MAPKAPK2: variants seen among roughly 807,000 people sequenced by gnomAD.
The protein encoded by MAPKAPK2 is MAP kinase-activated protein kinase 2.
A neutral mutation model predicts 48.8 loss-of-function variants in MAPKAPK2; 9 were observed. The observed-to-expected ratio is 0.18, with a 90% CI of 0.11 to 0.32. The LOEUF is 0.32. MAPKAPK2 is among the 10% of genes least tolerant of loss of function. MAPKAPK2 has a pLI of 1.00. For missense variants in MAPKAPK2, 331 were observed against 498.3 expected (o/e 0.66, Z 3.20); for synonymous variants, 202 against 190.6 (o/e 1.06, Z -0.49).
Position 206,731,361 on chromosome 1 carries a change from G to A in MAPKAPK2, c.892+99G>A. ...ACACATGTATGGGCCTCCATCTCAT[G>A]TGCGTGGTGTAACTGTGGGTTAGCA... On this transcript the variant is annotated intron_variant, in intron 7 of 9. Coordinates refer to ENST00000367103, the MANE Select transcript of MAPKAPK2 (RefSeq NM_032960.4). This position sits in a 1 kb window ranked among gnomAD's most constrained non-coding sequence, Gnocchi z 5.9. 2 of 1,563,054 alleles carry A rather than the reference G, an allele frequency of 1.3e-6. No homozygotes were observed. The highest frequency in any genetic ancestry group is 8.7e-7 in the Non-Finnish European group (1 of 1,152,822).
rs536360675 is a variant in MAPKAPK2, at chr1:206,730,247, T to C, written c.691+149T>C. The C allele has an allele frequency of 1.9e-4, 179 of 956,802 alleles. 1 individual carries two copies. The South Asian group carries it at 2.8e-3, about 15-fold the overall frequency. The allele number at this position is 956,802 out of a possible 1,614,324, so 59.3% of individuals were successfully genotyped here. Reference sequence around the variant, plus strand: ...GGTTCTGCTGGGACCTGCTGAGAAGTAGGGCTTGTCAGAGCGAAGCTACAG... The same window carrying C: ...GGTTCTGCTGGGACCTGCTGAGAAGCAGGGCTTGTCAGAGCGAAGCTACAG... On this transcript the variant is annotated intron_variant, in intron 5 of 9. Coordinates refer to ENST00000367103, the MANE Select transcript of MAPKAPK2 (RefSeq NM_032960.4).
At position 206,731,116 on chromosome 1, in the gene MAPKAPK2, T is replaced by G; in HGVS notation, c.768-22T>G. The G allele has an allele frequency of 6.2e-7, 1 of 1,614,222 alleles. No individual in the cohort carries two copies. Among genetic ancestry groups the G allele is most frequent in the Non-Finnish European group, 8.5e-7 (1 of 1,180,010 alleles). ...AAGTGACAGCTGTTCTGTCTCCCAC[T>G]TCCTTCCTCCTGTTGATGCAGGCTG... On this transcript the variant is annotated intron_variant, in intron 6 of 9. Coordinates refer to ENST00000367103, the MANE Select transcript of MAPKAPK2 (RefSeq NM_032960.4). This position sits in a 1 kb window ranked among gnomAD's most constrained non-coding sequence, Gnocchi z 5.9.
intron 1 of MAPKAPK2, among the ~76,000 whole-genome samples, chr1:206,720,828 G>C (rs1478010145): frequency 1.3e-5 from 2 of 152,152 alleles, no homozygotes; most frequent in African/African-American, 4.8e-5. Context: ...AAATAGGATA[G>C]TATTCTAGAC....
intron 1 of MAPKAPK2, among the ~76,000 whole-genome samples, chr1:206,700,762 A>G (rs564328044): frequency 2.0e-5 from 3 of 152,256 alleles, no homozygotes; most frequent in African/African-American, 7.2e-5. Context: ...TTGGACTTCT[A>G]TACCCTAGTA....
Position 206,722,377 on chromosome 1 carries a change from C to CA in MAPKAPK2, c.280-6324dup, listed in dbSNP as rs528210438. On this transcript the variant is annotated intron_variant, in intron 1 of 9. Coordinates refer to ENST00000367103, the MANE Select transcript of MAPKAPK2 (RefSeq NM_032960.4). ...TCTGTCTCAAAAACAAAAACAAAAA[C>CA]AAAAAAAAACAAAGAAACAAAAGAA... Among the ~76,000 whole-genome samples the CA allele has an allele frequency of 3.5e-3, 522 of 150,232 alleles. 3 individuals carry two copies. Among genetic ancestry groups the CA allele is most frequent in the African/African-American group, 9.3e-3 (380 of 40,966 alleles).
intron 1 of MAPKAPK2, chr1:206,695,840 A>C: frequency 4.0e-6 from 2 of 498,100 alleles, no homozygotes; most frequent in South Asian, 4.1e-5. Flanking sequence ...CACAGTGACC[A>C]TGGCAACCCC....
chr1:206,704,354 T>G lies in MAPKAPK2; in HGVS notation c.279+18846T>G, dbSNP rs1048690075. Among the ~76,000 whole-genome samples, 4 of 152,206 alleles carry G rather than the reference T, an allele frequency of 2.6e-5. No homozygotes were observed. The highest frequency in any genetic ancestry group is 1.3e-4 in the Admixed American group (2 of 15,290). On this transcript the variant is annotated intron_variant, in intron 1 of 9. Transcript: ENST00000367103. The surrounding 1 kb of genome is among the most constrained non-coding windows in gnomAD (Gnocchi z 4.3). ...CCCAGGGTCCCCTTGCTGGGCACGC[T>G]TGGCAGGCATCCTGCTTTTCCTTTC...
Position 206,685,329 on chromosome 1 carries a change from C to T in MAPKAPK2, c.100C>T (p.Gln34Ter). 1 of 1,435,560 alleles carries T rather than the reference C, an allele frequency of 7.0e-7. No individual in the cohort carries two copies. The highest frequency in any genetic ancestry group is 9.3e-7 in the Non-Finnish European group (1 of 1,079,944). The allele number at this position is 1,435,560 out of a possible 1,614,324, so 88.9% of individuals were successfully genotyped here. A position where few individuals can be genotyped will look rare whatever the true frequency, so the allele number is the denominator to read the frequency against. The part of the protein sequence containing the change: ...PTPALPHPPA[Q>*]PPPPPPQQFP... The stretch of plus-strand genomic sequence containing the variant: ...CCCTGCCCTGCCGCACCCCCCGGCG[C>T]AGCCGCCGCCGCCGCCCCCGCAGCA... Residue 34 changes from glutamine (Q) to a stop codon, truncating the protein, a stop_gained, in exon 1 of 10, where the codon CAG (glutamine) becomes TAG (stop). Coordinates refer to ENST00000367103, the MANE Select transcript of MAPKAPK2 (RefSeq NM_032960.4). LOFTEE classifies it high-confidence loss of function.
chr1:206,722,625 G>T, intron 1 of MAPKAPK2, among the ~76,000 whole-genome samples: 1 of 152,196 alleles, frequency 6.6e-6, no homozygotes, highest in East Asian at 1.9e-4. Context: ...CTGCTGCAGG[G>T]CTGGCAGAAG....
At chr1:206,703,363 C>A (rs1672856398) in intron 1 of MAPKAPK2, among the ~76,000 whole-genome samples, 1 of 152,224 alleles carries the variant, frequency 6.6e-6, no homozygotes, top group Non-Finnish European at 1.5e-5. Context: ...CCAAAGATTT[C>A]TCTCTAGCCT....
intron 1 of MAPKAPK2, among the ~76,000 whole-genome samples, chr1:206,693,528 GGA>G (rs1672519180): frequency 6.6e-6 from 1 of 152,288 alleles, no homozygotes; most frequent in South Asian, 2.1e-4. Context: ...TAGACAAAAA[GGA>G]GAGTGACCAA....
intron 1 of MAPKAPK2, among the ~76,000 whole-genome samples, chr1:206,719,748 T>C (rs7549275): frequency 6.6e-6 from 1 of 152,142 alleles, no homozygotes; most frequent in Non-Finnish European, 1.5e-5. Flanking sequence ...AATTGAGAAG[T>C]GTGACATCTT....
At chr1:206,702,187 A>G (rs767188239) in intron 1 of MAPKAPK2, among the ~76,000 whole-genome samples, 4 of 152,158 alleles carry the variant, frequency 2.6e-5, no homozygotes, top group African/African-American at 4.8e-5. Flanking sequence ...TTAAAGTTCT[A>G]TGTTTTTCGA....
At chr1:206,692,604 G>T (rs561876599) in intron 1 of MAPKAPK2, among the ~76,000 whole-genome samples, 30 of 152,164 alleles carry the variant, frequency 2.0e-4, no homozygotes, top group Non-Finnish European at 3.7e-4. Context: ...GGTTCTTGGG[G>T]TCTTTATTGT....
At chr1:206,685,879 C>T (rs1384930740) in intron 1 of MAPKAPK2, among the ~76,000 whole-genome samples, 7 of 152,156 alleles carry the variant, frequency 4.6e-5, no homozygotes, top group African/African-American at 1.7e-4. Flanking sequence ...CCCGTCCTCT[C>T]CTCCCTCCTT....
intron 3 of MAPKAPK2, 102 bp from the exon 4 acceptor site, chr1:206,729,294 C>T (rs1673818475): frequency 5.2e-6 from 6 of 1,143,144 alleles, no homozygotes; most frequent in Admixed American, 5.2e-5. Context: ...CTGTGGGGAG[C>T]CTCAGGCTGC....
rs200290157 is a variant in MAPKAPK2 at position 206,728,704 on chromosome 1, C to T, written c.280-6C>T. 3 of 1,612,932 alleles carry T rather than the reference C, an allele frequency of 1.9e-6. No homozygotes were observed. Among genetic ancestry groups the T allele is most frequent in the Admixed American group, 1.7e-5 (1 of 59,918 alleles). Reference sequence around the variant, plus strand: ...GCAGTTACTCAGAAAGCTGTTTGGCCTGCAGATGCTTCAGGACTGCCCCAA... The same window carrying T: ...GCAGTTACTCAGAAAGCTGTTTGGCTTGCAGATGCTTCAGGACTGCCCCAA... On this transcript the variant is annotated splice_region_variant and splice_polypyrimidine_tract_variant and intron_variant, in intron 1 of 9. Coordinates refer to ENST00000367103, the MANE Select transcript of MAPKAPK2 (RefSeq NM_032960.4).
chr1:206,711,699 C>T (rs1673150789), intron 1 of MAPKAPK2, among the ~76,000 whole-genome samples: 1 of 148,426 alleles, frequency 6.7e-6, no homozygotes. Flanking sequence ...CTCAGTGAAA[C>T]CCCTGCCTCC....
chr1:206,703,634 C>A (rs1672864740), intron 1 of MAPKAPK2, among the ~76,000 whole-genome samples: 1 of 152,178 alleles, frequency 6.6e-6, no homozygotes, highest in African/African-American at 2.4e-5. Context: ...GGTGATGCAG[C>A]ACACACTTGT....
Sources: allele counts gnomAD v4.1 joint callset (sites outside exome capture counted in the v4.1 genomes callset), GRCh38; gene constraint gnomAD v4.1.1; non-coding constraint Gnocchi (gnomAD v3.1); transcripts MANE v1.5; gene names NCBI Gene and HGNC (gene_info 2026-07-23, HGNC 2026-07-21).